The following GYS2 variants were observed in gnomAD, a reference collection of about 807,000 sequenced individuals.
GYS2 encodes the protein glycogen [starch] synthase, liver.
GYS2 carries 80 observed loss-of-function variants against 85.6 expected under a neutral mutation model. The ratio of observed to expected loss-of-function variants is 0.93; its 90% confidence interval spans 0.78 to 1.13. The LOEUF is 1.13. Among genes scored for constraint, GYS2 ranks in the 50% most tolerant of loss-of-function variants. The pLI is 0.00. For synonymous variants in GYS2, 328 were observed against 300.7 expected, an observed-to-expected ratio of 1.09 and a Z score of -0.94; for missense variants, 881 against 854.9, an observed-to-expected ratio of 1.03 and a Z score of -0.38.
Position 21,546,385 on chromosome 12 carries a change from C to A in GYS2, c.1508G>T (p.Gly503Val). 2 of 1,601,398 alleles carry A rather than the reference C, an allele frequency of 1.2e-6. No homozygotes were observed. Among genetic ancestry groups the A allele is most frequent in the South Asian group, 1.1e-5 (1 of 90,714 alleles). The change falls in exon 12 of 16, where the codon GGA (glycine) becomes GTA (valine). Residue 503 changes from glycine (G) to valine (V), a missense_variant. By Grantham distance (109) the Gly-to-Val change is moderately radical. Coordinates refer to ENST00000261195, the MANE Select transcript of GYS2 (RefSeq NM_021957.4). Reference sequence around the variant, plus strand: ...GGGTTCATAGTATGATGGAAATACTCCAAGATGACAACCTCTAACAAACTC... The same window carrying A: ...GGGTTCATAGTATGATGGAAATACTACAAGATGACAACCTCTAACAAACTC... ...YEEFVRGCHL[G>V]VFPSYYEPWG...
At chr12:21,540,640 A>G in intron 13 of GYS2, 67 bp from the exon 14 acceptor site, 1 of 1,361,584 alleles carries the variant, frequency 7.3e-7, no homozygotes, top group Admixed American at 1.7e-5. Flanking sequence ...TTCTCCTGTG[A>G]TTTACTAACT....
Position 21,536,768 on chromosome 12 carries a change from A to G in GYS2, c.*186T>C. 1.6e-6 allele frequency: 1 copy of G among 608,228 alleles called. No individual in the cohort carries two copies. The allele number at this position is 608,228 out of a possible 1,614,324, so 37.7% of individuals were successfully genotyped here. ...TTATGGGGGAAACAAGAGTTGGGGA[A>G]AATAACTTGGATCTTATCCTAAATT... On this transcript the variant is annotated 3_prime_UTR_variant, in exon 16 of 16. Transcript: ENST00000261195.
At chr12:21,560,307 C>A in intron 8 of GYS2, 79 bp downstream of exon 8, 1 of 822,880 alleles carries the variant, frequency 1.2e-6, no homozygotes. Flanking sequence ...AAGTTCAAGG[C>A]GATACATGAG....
chr12:21,563,810 C>G (rs955593997), intron 5 of GYS2, among the ~76,000 whole-genome samples: 2 of 152,130 alleles, frequency 1.3e-5, no homozygotes, highest in Non-Finnish European at 2.9e-5. Context: ...GCTGGTAAGT[C>G]GAAGCAGAAT....
At chr12:21,593,529 A>C (rs1379572281) in intron 1 of GYS2, among the ~76,000 whole-genome samples, 1 of 152,042 alleles carries the variant, frequency 6.6e-6, no homozygotes, top group Non-Finnish European at 1.5e-5. Flanking sequence ...GAAATTAATA[A>C]ATTTCTGGAC....
At chr12:21,575,816 G>T in intron 3 of GYS2, 50 bp downstream of exon 3, 1 of 1,383,936 alleles carries the variant, frequency 7.2e-7, no homozygotes, top group Non-Finnish European at 1.0e-6. Flanking sequence ...CTTGGGCACT[G>T]AAAGCAGTTG....
chr12:21,600,481 A>G (rs1944743707), intron 1 of GYS2, among the ~76,000 whole-genome samples: 1 of 152,050 alleles, frequency 6.6e-6, no homozygotes, highest in African/African-American at 2.4e-5. Flanking sequence ...AAGAACAAAA[A>G]CAGTATCACG....
intron 11 of GYS2, among the ~76,000 whole-genome samples, chr12:21,550,768 C>T (rs1450328071): frequency 6.6e-6 from 1 of 152,084 alleles, no homozygotes; most frequent in South Asian, 2.1e-4. Context: ...TGATGAAACC[C>T]CATCTCCACT....
intron 1 of GYS2, among the ~76,000 whole-genome samples, chr12:21,583,434 G>T (rs544012724): frequency 6.6e-6 from 1 of 152,312 alleles, no homozygotes; most frequent in Admixed American, 6.5e-5. Flanking sequence ...CATTTATCGA[G>T]TGATCCAAAA....
chr12:21,540,284 T>C, intron 14 of GYS2, 126 bp downstream of exon 14: 1 of 883,850 alleles, frequency 1.1e-6, no homozygotes, highest in Non-Finnish European at 1.8e-6. Context: ...AAAAAGTACA[T>C]GGAGACACTG....
intron 1 of GYS2, among the ~76,000 whole-genome samples, chr12:21,599,092 ATC>A (rs1389502717): frequency 2.7e-5 from 4 of 148,652 alleles, no homozygotes; most frequent in Admixed American, 1.3e-4. Flanking sequence ...TCTCTCCCCC[ATC>A]TCTCTCTGTC....
chr12:21,554,094 ACTTTC>A (rs906563063), intron 11 of GYS2, among the ~76,000 whole-genome samples: 3 of 151,976 alleles, frequency 2.0e-5, no homozygotes, highest in African/African-American at 7.3e-5. Flanking sequence ...AAATACATTG[ACTTTC>A]CTTTCTAGGA....
At chr12:21,540,882 A>T (rs781164944) in intron 13 of GYS2, among the ~76,000 whole-genome samples, 4 of 152,094 alleles carry the variant, frequency 2.6e-5, no homozygotes, top group Admixed American at 6.5e-5. Flanking sequence ...GGGCCTGGAT[A>T]TCTGTGCCTT....
At chr12:21,589,871 C>A (rs1349801949) in intron 1 of GYS2, among the ~76,000 whole-genome samples, 1 of 152,070 alleles carries the variant, frequency 6.6e-6, no homozygotes, top group African/African-American at 2.4e-5. Flanking sequence ...TTTGAGAGCC[C>A]AACACCCACC....
intron 1 of GYS2, among the ~76,000 whole-genome samples, chr12:21,597,653 A>G (rs1944711499): frequency 6.6e-6 from 1 of 152,168 alleles, no homozygotes; most frequent in African/African-American, 2.4e-5. Flanking sequence ...TTTACCAAAA[A>G]GCTAAAAATT....
chr12:21,592,525 A>G (rs11522801), intron 1 of GYS2, among the ~76,000 whole-genome samples: 6,968 of 152,152 alleles, frequency 0.046, 239 homozygotes, highest in Non-Finnish European at 0.07. Context: ...GACTTTAAAT[A>G]AAAAACACTA....
In GYS2 at chr12:21,540,512, C is replaced by T. The variant is rs376507992; in HGVS notation, c.1707G>A (p.Lys569=). Residue 569 remains lysine (K), a synonymous_variant, in exon 14 of 16, where the codon AAG becomes AAA. Coordinates refer to ENST00000261195, the MANE Select transcript of GYS2 (RefSeq NM_021957.4). ...SPDDSCNQLT[K]FLYGFCKQSR... is the part of the protein sequence containing the mutation. ...ACTGTTTGCAAAATCCATAGAGAAACTTAGTCAGCTGATTGCAAGAATCAT... is the reference window on the plus strand; with the variant it reads ...ACTGTTTGCAAAATCCATAGAGAAATTTAGTCAGCTGATTGCAAGAATCAT... 2.5e-6 allele frequency: 4 copies of T among 1,613,916 alleles called. No homozygotes were observed. In the East Asian group the frequency reaches 8.9e-5, roughly 36 times the overall value.
rs747594126 is a variant in GYS2 at position 21,540,503 on chromosome 12, A to G, written c.1716T>C (p.Tyr572=). 1.3e-5 allele frequency: 21 copies of G among 1,613,962 alleles called. No homozygotes were observed. The highest frequency in any genetic ancestry group is 2.2e-5 in the South Asian group (2 of 91,074). ...DSCNQLTKFL[Y]GFCKQSRRQR... Reference sequence around the variant, plus strand: ...GGCGGCGTGACTGTTTGCAAAATCCATAGAGAAACTTAGTCAGCTGATTGC... The same window carrying G: ...GGCGGCGTGACTGTTTGCAAAATCCGTAGAGAAACTTAGTCAGCTGATTGC... Residue 572 remains tyrosine (Y), a synonymous_variant, in exon 14 of 16, where the codon TAT becomes TAC. Coordinates refer to ENST00000261195, the MANE Select transcript of GYS2 (RefSeq NM_021957.4).
chr12:21,559,194 A>G (rs1435167146), intron 9 of GYS2, 25 bp from the exon 10 acceptor site: 1 of 1,392,784 alleles, frequency 7.2e-7, no homozygotes, highest in East Asian at 2.3e-5. Flanking sequence ...TGTTAATAAC[A>G]AAAATAAAAA....
Sources: allele counts gnomAD v4.1 joint callset (sites outside exome capture counted in the v4.1 genomes callset), GRCh38; gene constraint gnomAD v4.1.1; transcripts MANE v1.5; gene names NCBI Gene and HGNC (gene_info 2026-07-23, HGNC 2026-07-21).